The following CHDH variants were observed in gnomAD, a reference collection of about 807,000 sequenced individuals.
The protein encoded by CHDH is choline dehydrogenase, mitochondrial.
A neutral mutation model predicts 56.9 loss-of-function variants in CHDH; 43 were observed. The observed-to-expected ratio is 0.76, with a 90% CI of 0.59 to 0.97. The LOEUF is 0.97. Ranked by LOEUF, CHDH falls within the 50% of genes least tolerant of loss-of-function variation. The probability of loss-of-function intolerance (pLI) is 0.00; values close to 1 mark genes in which losing one functional copy is unlikely to be tolerated. For missense variants in CHDH, 816 were observed against 821.1 expected, an observed-to-expected ratio of 0.99 and a Z score of 0.08; for synonymous variants, 364 against 348.5, an observed-to-expected ratio of 1.04 and a Z score of -0.50.
At chr3:53,834,641 C>T (rs1389438229) in intron 2 of CHDH, among the ~76,000 whole-genome samples, 2 of 152,190 alleles carry the variant, frequency 1.3e-5, no homozygotes. Context: ...GCTTACGCAC[C>T]ATTCCAGGAG....
rs757738588 is a variant in CHDH, at chr3:53,822,523, C to T, written c.823G>A (p.Val275Met). 1.8e-5 allele frequency: 29 copies of T among 1,613,492 alleles called. No individual in the cohort carries two copies. The highest frequency in any genetic ancestry group is 4.0e-5 in the African/African-American group (3 of 74,928). The change falls in exon 4 of 9, where the codon GTG becomes ATG. Residue 275 changes from valine to methionine, a missense_variant. Transcript: ENST00000315251. ...CTCTGGCCATTCTTGACATACTCCACGCCCACTGCACGGGTGCCCTCAAAT... is the reference window on the plus strand; with the variant it reads ...CTCTGGCCATTCTTGACATACTCCATGCCCACTGCACGGGTGCCCTCAAAT... ...VLFEGTRAVG[V>M]EYVKNGQSHR...
rs933875799 is a variant in CHDH, at chr3:53,819,512, A to C, written c.1263+20T>G. On this transcript the variant is annotated intron_variant, in intron 7 of 8. Coordinates refer to ENST00000315251, the MANE Select transcript of CHDH (RefSeq NM_018397.5). The surrounding 1 kb of genome is among the most constrained non-coding windows in gnomAD (Gnocchi z 5.4). ...GGGAAGGAGACATCCTGGGAAGCCG[A>C]GGCTCTTCCACCTGCTCACCTGGTA... 15 of 1,588,936 alleles carry C rather than the reference A, an allele frequency of 9.4e-6. No individual in the cohort carries two copies. Among genetic ancestry groups the C allele is most frequent in the Non-Finnish European group, 1.3e-5 (15 of 1,168,234 alleles).
At chr3:53,822,787 C>T in intron 3 of CHDH, 145 bp from the exon 4 acceptor site, 1 of 1,053,634 alleles carries the variant, frequency 9.5e-7, no homozygotes, top group Non-Finnish European at 1.3e-6. Flanking sequence ...ACGGAAAGAC[C>T]CTGCAAGACC....
chr3:53,828,160 T>G (rs967293970), intron 2 of CHDH, among the ~76,000 whole-genome samples: 5 of 93,926 alleles, frequency 5.3e-5, no homozygotes, highest in African/African-American at 2.7e-4. Context: ...CTGGAATAAC[T>G]AGACACACAC....
At chr3:53,820,646 A>C in intron 5 of CHDH, 38 bp from the exon 6 acceptor site, 1 of 1,592,318 alleles carries the variant, frequency 6.3e-7, no homozygotes, top group Non-Finnish European at 8.5e-7. Flanking sequence ...ATGGCTACCA[A>C]GGGGGCTCAG....
intron 2 of CHDH, among the ~76,000 whole-genome samples, chr3:53,830,680 A>G (rs1313404872): frequency 6.6e-6 from 1 of 152,216 alleles, no homozygotes; most frequent in Non-Finnish European, 1.5e-5. Context: ...AACATTCACT[A>G]CAACAAGAGA....
At chr3:53,830,226 A>G (rs1698292498) in intron 2 of CHDH, among the ~76,000 whole-genome samples, 1 of 152,066 alleles carries the variant, frequency 6.6e-6, no homozygotes, top group Non-Finnish European at 1.5e-5. Context: ...TGCTGATTTC[A>G]AAATGTATGT....
In CHDH at chr3:53,823,325, C is replaced by A; in HGVS notation, c.684G>T (p.Met228Ile). 1 of 1,580,746 alleles carries A rather than the reference C, an allele frequency of 6.3e-7. No individual in the cohort carries two copies. The highest frequency in any genetic ancestry group is 2.3e-5 in the East Asian group (1 of 43,896). Residue 228 changes from methionine (M) to isoleucine (I), a missense_variant, in exon 3 of 9, where the codon ATG becomes ATT. Met to Ile is a conservative substitution (Grantham distance 10). Coordinates refer to ENST00000315251, the MANE Select transcript of CHDH (RefSeq NM_018397.5). ...NGFQQEGFGW[M>I]DMTIHEGKRW... ...CACTACCTTCATGGATGGTCATGTC[C>A]ATCCAGCCGAAGCCCTCCTGCTGGA...
Position 53,817,809 on chromosome 3 carries a change from A to T in CHDH, c.1753T>A (p.Tyr585Asn). The stretch of plus-strand genomic sequence containing the variant: ...TGGGTGGCCAGCGTCCTGGGCTTGT[A>T]GACAGGGACATCTTTGTCCCAGAGT... ...PALWDKDVPV[Y>N]KPRTLATQR is the part of the protein sequence containing the mutation. The change falls in exon 9 of 9, where the codon TAC (tyrosine) becomes AAC (asparagine). Residue 585 changes from tyrosine (Y) to asparagine (N), a missense_variant. Coordinates refer to ENST00000315251, the MANE Select transcript of CHDH (RefSeq NM_018397.5). 1 of 1,612,508 alleles carries T rather than the reference A, an allele frequency of 6.2e-7. No homozygotes were observed. Among genetic ancestry groups the T allele is most frequent in the Non-Finnish European group, 8.5e-7 (1 of 1,179,120 alleles).
rs1024658225 is a variant in CHDH, at chr3:53,817,576, G to A, written c.*201C>T. ...CTTCCCCAAATGGCCCACAGGGAAA[G>A]GCTGGGGAAAAGGAGCTGGATTCAC... On this transcript the variant is annotated 3_prime_UTR_variant, in exon 9 of 9. Coordinates refer to ENST00000315251, the MANE Select transcript of CHDH (RefSeq NM_018397.5). The A allele has an allele frequency of 1.8e-6, 1 of 557,662 alleles. No homozygotes were observed. The allele number at this position is 557,662 out of a possible 1,614,324, so 34.5% of individuals were successfully genotyped here.
At chr3:53,823,190 A>G (rs977686254) in intron 3 of CHDH, 116 bp downstream of exon 3, 7 of 949,438 alleles carry the variant, frequency 7.4e-6, no homozygotes, top group Non-Finnish European at 9.1e-6. Flanking sequence ...TGCCAGCCTC[A>G]GTCTGCCCAT....
rs1008082485 is a variant in CHDH, at chr3:53,815,766, C to G, written c.*2011G>C. ...AAGGGTCAGCACAGTCATGGTTGGT[C>G]CAGGACTATCCCCTGCCCCTGAATC... is the stretch of plus-strand genomic sequence containing the variant. On this transcript the variant is annotated 3_prime_UTR_variant, in exon 9 of 9. Coordinates refer to ENST00000315251, the MANE Select transcript of CHDH (RefSeq NM_018397.5). The G allele has an allele frequency of 6.6e-6, 1 of 152,190 alleles. No individual in the cohort carries two copies. Among genetic ancestry groups the G allele is most frequent in the Admixed American group, 6.5e-5 (1 of 15,282 alleles). 9.4% of individuals were successfully genotyped at this position (152,190 alleles called of 1,614,324 possible).
intron 2 of CHDH, among the ~76,000 whole-genome samples, chr3:53,839,261 C>G (rs535938002): frequency 2.6e-4 from 40 of 152,352 alleles, no homozygotes; most frequent in African/African-American, 8.7e-4. Flanking sequence ...GATCACACTT[C>G]TAGATCAATC....
intron 1 of CHDH, chr3:53,844,893 C>T (rs143779723): frequency 1.3e-5 from 2 of 152,446 alleles, no homozygotes; most frequent in African/African-American, 4.8e-5. Flanking sequence ...AGCTTGCAGA[C>T]GAGGCTGTTT....
rs1352240500 is a variant in CHDH, at chr3:53,813,434, T to G, written c.*4343A>C. On this transcript the variant is annotated 3_prime_UTR_variant, in exon 9 of 9. Transcript: ENST00000315251. ...GAAATTATGGATATTCTTATCCTCC[T>G]GGTTCCTTCGGTGCCAATGGTAACC... 1 of 152,244 alleles carries G rather than the reference T, an allele frequency of 6.6e-6. No homozygotes were observed. Among genetic ancestry groups the G allele is most frequent in the Non-Finnish European group, 1.5e-5 (1 of 68,044 alleles). The allele number at this position is 152,244 out of a possible 1,614,324, so 9.4% of individuals were successfully genotyped here.
At chr3:53,818,267 T>C (rs2095619476) in intron 8 of CHDH, 72 bp from the exon 9 acceptor site, 1 of 1,362,240 alleles carries the variant, frequency 7.3e-7, no homozygotes, top group Non-Finnish European at 9.9e-7. Context: ...ATTCACGGCA[T>C]GGAGAGGCTC....
chr3:53,834,099 C>T (rs2106976963), intron 2 of CHDH, among the ~76,000 whole-genome samples: 1 of 152,318 alleles, frequency 6.6e-6, no homozygotes, highest in Middle Eastern at 3.4e-3. Context: ...GCTTTCATTG[C>T]CATAGCCCTT....
At position 53,840,225 on chromosome 3, in the gene CHDH, T is replaced by A. The variant is rs150453249; in HGVS notation, c.-60+704A>T. On this transcript the variant is annotated intron_variant, in intron 2 of 8. Coordinates refer to ENST00000315251, the MANE Select transcript of CHDH (RefSeq NM_018397.5). ...AATAACTAGAAGAGAATAATTCAAC[T>A]ATTTCTAACGGTAAATATTTAAGGG... is the stretch of plus-strand genomic sequence containing the variant. Among the ~76,000 whole-genome samples, 11 of 152,322 alleles carry A rather than the reference T, an allele frequency of 7.2e-5. No individual in the cohort carries two copies. In the East Asian group the frequency reaches 1.9e-3, roughly 27 times the overall value.
chr3:53,823,964 T>C lies in CHDH; in HGVS notation c.45A>G (p.Ala15=). Residue 15 remains alanine, a synonymous_variant, in exon 3 of 9, where the codon GCA becomes GCG. Transcript: ENST00000315251. ...ATTGCTGCTGCCCCAGGGCTCCCCG[T>C]GCCAGGGCTCCAGGCCGGCCCAGGC... ...LRGLGRPGAL[A]RGALGQQQSL... 6.6e-7 allele frequency: 1 copy of C among 1,514,638 alleles called. No individual in the cohort carries two copies. The highest frequency in any genetic ancestry group is 1.2e-5 in the South Asian group (1 of 81,600). The allele number at this position is 1,514,638 out of a possible 1,614,324, so 93.8% of individuals were successfully genotyped here. A position where few individuals can be genotyped will look rare whatever the true frequency, so the allele number is the denominator to read the frequency against.
Sources: gnomAD v4.1 joint callset for allele counts (sites outside exome capture counted in the v4.1 genomes callset) on GRCh38, gnomAD v4.1.1 for gene constraint, Gnocchi (gnomAD v3.1) non-coding constraint, MANE v1.5 for transcripts, NCBI Gene and HGNC (gene_info 2026-07-23, HGNC 2026-07-21) for gene names.